ZNF17: variants seen among roughly 807,000 people sequenced by gnomAD.
The protein encoded by ZNF17 is zinc finger protein 17.
ZNF17 carries 4 observed loss-of-function variants against 7.7 expected under a neutral mutation model. The observed-to-expected ratio is 0.52, with a 90% CI of 0.26 to 1.20. ZNF17 has a LOEUF of 1.20. Ranked by LOEUF, ZNF17 falls within the 50% of genes most tolerant of loss-of-function variation. The pLI is 0.14. For missense variants in ZNF17, 738 were observed against 799.5 expected, an observed-to-expected ratio of 0.92 and a Z score of 0.93; for synonymous variants, 249 against 258.8, an observed-to-expected ratio of 0.96 and a Z score of 0.36.
chr19:57,412,412 C>T (rs879468263), intron 1 of ZNF17, among the ~76,000 whole-genome samples: 1 of 151,880 alleles, frequency 6.6e-6, no homozygotes, highest in Non-Finnish European at 1.5e-5. Context: ...TGCTTATCCC[C>T]TCCCTGCAAC....
rs753038226 is a variant in ZNF17, at chr19:57,420,789, CAG to C, written c.1308_1309del (p.Arg436SerfsTer9). 1 of 1,613,972 alleles carries C rather than the reference CAG, an allele frequency of 6.2e-7. No homozygotes were observed. Among genetic ancestry groups the C allele is most frequent in the Non-Finnish European group, 8.5e-7 (1 of 1,179,980 alleles). On this transcript the variant is annotated frameshift_variant, in exon 4 of 4. Transcript: ENST00000307658. LOFTEE classifies it low-confidence loss of function (END_TRUNC). ...FMDTSTLIIHQRVHTGEKPYE... is the reference protein window; with the variant it reads ...FMDTSTLIIHXRVHTGEKPYE... Reference sequence around the variant, plus strand: ...GGACACTTCCACACTCATTATTCATCAGAGAGTTCATACTGGAGAAAAGCCTT... The same window carrying C: ...GGACACTTCCACACTCATTATTCATCAGAGTTCATACTGGAGAAAAGCCTT...
At position 57,421,517 on chromosome 19, in the gene ZNF17, A is replaced by G. The variant is rs777848646; in HGVS notation, c.*36A>G. ...TATAAAGCAGATGGGGAAAGACTTC[A>G]CACAGAAATCTACTCTGATTTAGCA... is the stretch of plus-strand genomic sequence containing the variant. On this transcript the variant is annotated 3_prime_UTR_variant, in exon 4 of 4. Transcript: ENST00000307658. The G allele has an allele frequency of 7.8e-6, 12 of 1,541,848 alleles. No individual in the cohort carries two copies. The East Asian group carries it at 2.5e-4, about 32-fold the overall frequency.
At chr19:57,419,587 C>T (rs1359445823) in intron 3 of ZNF17, 48 bp from the exon 4 acceptor site, 6 of 1,559,128 alleles carry the variant, frequency 3.8e-6, no homozygotes, top group Non-Finnish European at 5.2e-6. Flanking sequence ...ATGGGGCTGC[C>T]TCTTCCCTCC....
At chr19:57,411,581 C>G in intron 1 of ZNF17, 175 bp downstream of exon 1, 1 of 1,427,340 alleles carries the variant, frequency 7.0e-7, no homozygotes, top group Non-Finnish European at 9.2e-7. Flanking sequence ...CCTGCACGTG[C>G]GAGGCTTAGA....
chr19:57,420,375 A>G lies in ZNF17; in HGVS notation c.889A>G (p.Ile297Val). The G allele has an allele frequency of 1.2e-6, 2 of 1,613,840 alleles. No individual in the cohort carries two copies. Among genetic ancestry groups the G allele is most frequent in the Non-Finnish European group, 1.7e-6 (2 of 1,179,964 alleles). Residue 297 changes from isoleucine to valine, a missense_variant, in exon 4 of 4, where the codon ATT becomes GTT. Physicochemically the swap from Ile to Val is conservative, Grantham distance 29. This residue lies in a region of ZNF17 where 616 missense variants were observed against 663.9 expected (regional missense o/e 0.93). Transcript: ENST00000307658. ...GTCTCACCTACTTCAGCACCAGAGG[A>G]TTCACACCAGGCCAAGGCCTTATGT... ...RKSHLLQHQR[I>V]HTRPRPYVCS...
Position 57,420,214 on chromosome 19 carries a change from C to T in ZNF17, c.728C>T (p.Thr243Ile). 6.2e-7 allele frequency: 1 copy of T among 1,613,186 alleles called. No homozygotes were observed. Among genetic ancestry groups the T allele is most frequent in the South Asian group, 1.1e-5 (1 of 91,032 alleles). The stretch of plus-strand genomic sequence containing the variant: ...CTTATTAAACATCAGCGAAATCATA[C>T]TGGAGAAAGGCCTTATAAGTGTAGT... ...SDLIKHQRNH[T>I]GERPYKCSEC... Residue 243 changes from threonine (T) to isoleucine (I), a missense_variant, in exon 4 of 4, where the codon ACT becomes ATT. Around this residue, in one of 3 missense-constraint regions of ZNF17, gnomAD observed 616 missense variants for 663.9 expected, o/e 0.93. Transcript: ENST00000307658.
chr19:57,418,531 C>G (rs1433079442), intron 3 of ZNF17, among the ~76,000 whole-genome samples: 1 of 152,146 alleles, frequency 6.6e-6, no homozygotes, highest in Non-Finnish European at 1.5e-5. Context: ...GCTGTTGACA[C>G]CCTCCCTTTC....
rs1046987852 is a variant in ZNF17, at chr19:57,413,659, T to G, written c.21+23T>G. ...CAGGTGAGTGGAGAGTGTTTCCAGC[T>G]TTCACCCATCCCAGATGGTTTCAGC... On this transcript the variant is annotated intron_variant, in intron 2 of 3. Transcript: ENST00000307658. 9 of 1,535,952 alleles carry G rather than the reference T, an allele frequency of 5.9e-6. No individual in the cohort carries two copies. In the African/African-American group the frequency reaches 1.1e-4, roughly 19 times the overall value.
chr19:57,417,871 A>G (rs776257144), intron 2 of ZNF17, 41 bp from the exon 3 acceptor site: 23 of 1,587,470 alleles, frequency 1.4e-5, no homozygotes, highest in Admixed American at 3.8e-5. Flanking sequence ...AAGAAAGAAA[A>G]AAAAAGTTGC....
Position 57,421,195 on chromosome 19 carries a change from A to C in ZNF17, c.1709A>C (p.His570Pro), listed in dbSNP as rs199728574. Residue 570 changes from histidine to proline, a missense_variant, in exon 4 of 4, where the codon CAC (histidine) becomes CCC (proline). His to Pro is a moderately conservative substitution (Grantham distance 77, BLOSUM62 -2). Around this residue, in one of 3 missense-constraint regions of ZNF17, gnomAD observed 116 missense variants for 114.0 expected, o/e 1.02. Coordinates refer to ENST00000307658, the MANE Select transcript of ZNF17 (RefSeq NM_001330617.2). Reference protein sequence around the residue: ...ECGRVFSQNSHLIRHQKVHTR... With the variant: ...ECGRVFSQNSPLIRHQKVHTR... The stretch of plus-strand genomic sequence containing the variant: ...GGGAGAGTTTTTAGCCAAAATTCCC[A>C]CCTCATTCGGCACCAAAAAGTTCAC... 6.2e-7 allele frequency: 1 copy of C among 1,613,940 alleles called. No individual in the cohort carries two copies. Among genetic ancestry groups the C allele is most frequent in the Admixed American group, 1.7e-5 (1 of 60,002 alleles).
At position 57,421,590 on chromosome 19, in the gene ZNF17, A is replaced by T. The variant is rs981866848; in HGVS notation, c.*109A>T. The T allele has an allele frequency of 8.0e-7, 1 of 1,249,982 alleles. No homozygotes were observed. Among genetic ancestry groups the T allele is most frequent in the Non-Finnish European group, 1.1e-6 (1 of 911,516 alleles). 77.4% of individuals were successfully genotyped at this position (1,249,982 alleles called of 1,614,324 possible). The stretch of plus-strand genomic sequence containing the variant: ...AGTATTCTTGTAGAATACAGATAAC[A>T]TAAAATCTAACATCTTAACCATGTT... On this transcript the variant is annotated 3_prime_UTR_variant, in exon 4 of 4. Transcript: ENST00000307658.
At chr19:57,415,904 G>A (rs1445026853) in intron 2 of ZNF17, among the ~76,000 whole-genome samples, 1 of 152,106 alleles carries the variant, frequency 6.6e-6, no homozygotes, top group Admixed American at 6.5e-5. Flanking sequence ...GACTATTTTG[G>A]CAGAAGATGG....
intron 2 of ZNF17, among the ~76,000 whole-genome samples, chr19:57,415,782 A>G (rs1414575833): frequency 1.3e-5 from 2 of 152,156 alleles, no homozygotes; most frequent in African/African-American, 4.8e-5. Context: ...CATCTCCACA[A>G]AAGAGGTGAG....
intron 3 of ZNF17, 80 bp from the exon 4 acceptor site, chr19:57,419,555 G>A: frequency 1.4e-6 from 2 of 1,444,962 alleles, no homozygotes; most frequent in African/African-American, 1.4e-5. Context: ...TTATTTGTGA[G>A]TTGGTCTGAC....
chr19:57,412,097 C>T (rs566193691), intron 1 of ZNF17, among the ~76,000 whole-genome samples: 2 of 152,178 alleles, frequency 1.3e-5, no homozygotes, highest in African/African-American at 4.8e-5. Flanking sequence ...TTTAGAAAGG[C>T]GCAGACCTGT....
At chr19:57,415,176 G>A (rs538219552) in intron 2 of ZNF17, among the ~76,000 whole-genome samples, 1 of 152,148 alleles carries the variant, frequency 6.6e-6, no homozygotes, top group Non-Finnish European at 1.5e-5. Context: ...GGGGTGGGTG[G>A]CTTCTGTAGG....
At position 57,421,489 on chromosome 19, in the gene ZNF17, A is replaced by G; in HGVS notation, c.*8A>G. The G allele has an allele frequency of 6.3e-7, 1 of 1,589,190 alleles. No individual in the cohort carries two copies. Among genetic ancestry groups the G allele is most frequent in the Non-Finnish European group, 8.6e-7 (1 of 1,167,756 alleles). On this transcript the variant is annotated 3_prime_UTR_variant, in exon 4 of 4. Transcript: ENST00000307658. ...AAAGTTCACACCAGATAAAGAATGT[A>G]TATATAAAGCAGATGGGGAAAGACT... is the stretch of plus-strand genomic sequence containing the variant.
Position 57,420,179 on chromosome 19 carries a change from C to G in ZNF17, c.693C>G (p.Tyr231Ter). 6.2e-7 allele frequency: 1 copy of G among 1,613,054 alleles called. No individual in the cohort carries two copies. The highest frequency in any genetic ancestry group is 8.5e-7 in the Non-Finnish European group (1 of 1,179,114). The part of the protein sequence containing the change: ...ECSECGKLFR[Y>*]NSDLIKHQRN... Reference sequence around the variant, plus strand: ...GTGAATGTGGCAAATTGTTTAGGTACAACTCCGACCTTATTAAACATCAGC... The same window carrying G: ...GTGAATGTGGCAAATTGTTTAGGTAGAACTCCGACCTTATTAAACATCAGC... The change falls in exon 4 of 4, where the codon TAC (tyrosine) becomes TAG (stop). Residue 231 changes from tyrosine (Y) to a stop codon, truncating the protein, a stop_gained. Transcript: ENST00000307658. LOFTEE classifies it low-confidence loss of function (END_TRUNC).
intron 3 of ZNF17, chr19:57,419,394 T>A: frequency 2.4e-6 from 1 of 416,914 alleles, no homozygotes; most frequent in Non-Finnish European, 4.3e-6. Context: ...ACTTGGGGAC[T>A]CCACTTCTGT....
Sources: gnomAD v4.1 joint callset for allele counts (sites outside exome capture counted in the v4.1 genomes callset) on GRCh38, gnomAD v4.1.1 for gene constraint, gnomAD v4.1.1 regional missense constraint, MANE v1.5 for transcripts, NCBI Gene and HGNC (gene_info 2026-07-23, HGNC 2026-07-21) for gene names.